Variants in RARB observed in about 807,000 individuals in gnomAD.
RARB encodes the protein HBV-activated protein.
Under a neutral mutation model 51.9 loss-of-function variants are expected in RARB, and 17 were observed. The ratio of observed to expected loss-of-function variants is 0.33; its 90% CI spans 0.22 to 0.49. The LOEUF (loss-of-function observed/expected upper bound fraction) is 0.49. Among genes scored for constraint, RARB ranks in the 20% least tolerant of loss-of-function variants. The pLI is 0.99. For missense variants in RARB, 369 were observed against 550.8 expected, an observed-to-expected ratio of 0.67 and a Z score of 3.30; for synonymous variants, 215 against 195.4, an observed-to-expected ratio of 1.10 and a Z score of -0.84.
intron 5 of RARB, among the ~76,000 whole-genome samples, chr3:25,180,258 T>A (rs1559494779): frequency 6.6e-6 from 1 of 152,072 alleles, no homozygotes; most frequent in Non-Finnish European, 1.5e-5. Flanking sequence ...AAAGATGGAG[T>A]AATGGTTTAA....
At chr3:24,883,549 T>C (rs551435742) in intron 2 of RARB, among the ~76,000 whole-genome samples, 7 of 152,132 alleles carry the variant, frequency 4.6e-5, no homozygotes, top group African/African-American at 1.7e-4. Flanking sequence ...TTAGACTTGG[T>C]GCAAAAAATC....
intron 5 of RARB, among the ~76,000 whole-genome samples, chr3:25,414,410 C>T (rs1042608121): frequency 1.3e-5 from 2 of 152,162 alleles, no homozygotes; most frequent in Non-Finnish European, 2.9e-5. Context: ...TAGAAATATG[C>T]CTTAATGTCT....
Position 25,580,587 on chromosome 3 carries a change from C to T in RARB, c.651C>T (p.Leu217=). ...ATCGAGTCCGACTGGACCTGGGCCT[C>T]TGGGACAAATTCAGTGAACTGGCCA... ...ADHRVRLDLG[L]WDKFSELATK... Residue 217 remains leucine (L), a synonymous_variant, in exon 5 of 8, where the codon CTC becomes CTT. Transcript: ENST00000330688. The T allele has an allele frequency of 6.2e-7, 1 of 1,609,886 alleles. No individual in the cohort carries two copies. Among genetic ancestry groups the T allele is most frequent in the Non-Finnish European group, 8.5e-7 (1 of 1,176,672 alleles).
At chr3:25,333,429 G>T (rs937298263) in intron 5 of RARB, among the ~76,000 whole-genome samples, 2 of 152,082 alleles carry the variant, frequency 1.3e-5, no homozygotes, top group Non-Finnish European at 2.9e-5. Flanking sequence ...AATGGGGAAA[G>T]GATTCCCTAT....
At chr3:25,255,046 C>T (rs574990843) in intron 5 of RARB, among the ~76,000 whole-genome samples, 3 of 152,148 alleles carry the variant, frequency 2.0e-5, no homozygotes, top group Non-Finnish European at 4.4e-5. Context: ...CTAGGGGCTG[C>T]TCCCAATATT....
chr3:24,878,227 T>C (rs1703085956), intron 2 of RARB, among the ~76,000 whole-genome samples: 1 of 149,658 alleles, frequency 6.7e-6, no homozygotes, highest in Non-Finnish European at 1.5e-5. Context: ...TTTTTTTTGC[T>C]TGTAGTTTCC....
At chr3:25,572,773 A>C (rs1340524782) in intron 4 of RARB, among the ~76,000 whole-genome samples, 1 of 152,124 alleles carries the variant, frequency 6.6e-6, no homozygotes, top group Non-Finnish European at 1.5e-5. Flanking sequence ...TTATATGGCA[A>C]TACCTAGGGC....
At chr3:25,487,203 C>T (rs1421638203) in intron 2 of RARB, among the ~76,000 whole-genome samples, 1 of 152,102 alleles carries the variant, frequency 6.6e-6, no homozygotes, top group Non-Finnish European at 1.5e-5. Flanking sequence ...ACATTACAGA[C>T]GTAAATAGCA....
intron 2 of RARB, among the ~76,000 whole-genome samples, chr3:24,881,610 T>C (rs1703168231): frequency 6.6e-6 from 1 of 152,204 alleles, no homozygotes; most frequent in Admixed American, 6.5e-5. Flanking sequence ...TATAAATGTT[T>C]GAGAATTATA....
intron 2 of RARB, among the ~76,000 whole-genome samples, chr3:24,959,092 C>T (rs986515352): frequency 7.9e-5 from 12 of 152,316 alleles, no homozygotes; most frequent in Admixed American, 2.0e-4. Flanking sequence ...CGTTACAGTG[C>T]GCTCTTTTAG....
At chr3:25,310,811 C>A (rs1704271659) in intron 5 of RARB, among the ~76,000 whole-genome samples, 1 of 152,204 alleles carries the variant, frequency 6.6e-6, no homozygotes, top group Non-Finnish European at 1.5e-5. Flanking sequence ...ACAGCACTTC[C>A]TCAGGCAGTG....
intron 5 of RARB, among the ~76,000 whole-genome samples, chr3:25,331,241 C>G (rs559708338): frequency 2.0e-5 from 3 of 152,154 alleles, no homozygotes; most frequent in African/African-American, 7.2e-5. Flanking sequence ...AGCACCACAT[C>G]GCACTTATTC....
At chr3:25,434,800 A>G (rs1197635080) in intron 1 of RARB, among the ~76,000 whole-genome samples, 1 of 151,840 alleles carries the variant, frequency 6.6e-6, no homozygotes, top group Non-Finnish European at 1.5e-5. Flanking sequence ...TCGGCCTCCC[A>G]AAGTGCTGAG....
intron 5 of RARB, among the ~76,000 whole-genome samples, chr3:25,345,300 C>G (rs1575328613): frequency 1.3e-5 from 2 of 152,262 alleles, no homozygotes; most frequent in East Asian, 3.9e-4. Flanking sequence ...AGCAGAAATT[C>G]ATAGCACTTT....
chr3:25,050,825 A>G (rs185088682), intron 2 of RARB, among the ~76,000 whole-genome samples: 1 of 152,248 alleles, frequency 6.6e-6, no homozygotes, highest in African/African-American at 2.4e-5. Flanking sequence ...TTGCTTACAT[A>G]TGAAAATGCC....
chr3:24,860,899 C>T (rs533240668), intron 2 of RARB, among the ~76,000 whole-genome samples: 11 of 152,148 alleles, frequency 7.2e-5, no homozygotes, highest in Non-Finnish European at 1.3e-4. Context: ...TACAAGTAAA[C>T]TTGCTACTCA....
chr3:25,343,366 C>T (rs1426363147), intron 5 of RARB, among the ~76,000 whole-genome samples: 2 of 151,940 alleles, frequency 1.3e-5, no homozygotes, highest in Non-Finnish European at 2.9e-5. Context: ...CAGTTTTCTC[C>T]CCCTTTGTCT....
chr3:25,159,617 A>G (rs187900680), intron 4 of RARB, among the ~76,000 whole-genome samples: 29 of 152,110 alleles, frequency 1.9e-4, no homozygotes, highest in African/African-American at 7.0e-4. Flanking sequence ...TATTGCACAC[A>G]TGGCTTCATT....
chr3:25,369,836 C>A (rs150177281), intron 5 of RARB, among the ~76,000 whole-genome samples: 1 of 151,878 alleles, frequency 6.6e-6, no homozygotes, highest in South Asian at 2.1e-4. Flanking sequence ...GCAGGAGAAT[C>A]GCTTGAACCC....
Sources: allele counts gnomAD v4.1 joint callset (sites outside exome capture counted in the v4.1 genomes callset), GRCh38; gene constraint gnomAD v4.1.1; transcripts MANE v1.5; gene names NCBI Gene and HGNC (gene_info 2026-07-23, HGNC 2026-07-21).